Variants in SIMC1 observed in about 807,000 individuals in gnomAD.
SIMC1 encodes the protein SUMO-interacting motif-containing protein 1.
A neutral mutation model predicts 82.3 loss-of-function variants in SIMC1; 55 were observed. The ratio of observed to expected loss-of-function variants is 0.67; its 90% confidence interval spans 0.54 to 0.84. SIMC1 has a LOEUF of 0.84. SIMC1 is among the 40% of genes least tolerant of loss of function. The probability of loss-of-function intolerance (pLI) is 0.00; values close to 1 mark genes in which losing one functional copy is unlikely to be tolerated. For synonymous variants in SIMC1, 353 were observed against 426.3 expected, an observed-to-expected ratio of 0.83 and a Z score of 2.12; for missense variants, 915 against 1,107.2, an observed-to-expected ratio of 0.83 and a Z score of 2.46.
chr5:176,280,007 G>A (rs1252545927), intron 1 of SIMC1, among the ~76,000 whole-genome samples: 2 of 152,048 alleles, frequency 1.3e-5, no homozygotes, highest in African/African-American at 4.8e-5. Flanking sequence ...GTGCAGAGCT[G>A]AGTTCAATTC....
intron 1 of SIMC1, among the ~76,000 whole-genome samples, chr5:176,253,589 A>G (rs569304010): frequency 3.9e-4 from 59 of 152,210 alleles, no homozygotes; most frequent in African/African-American, 1.2e-3. Flanking sequence ...TGTTGTAGGG[A>G]GTCATTGACA....
rs1238073678 is a variant in SIMC1 at position 176,337,225 on chromosome 5, T to A, written c.2413+79T>A. On this transcript the variant is annotated intron_variant, in intron 9 of 9. Coordinates refer to ENST00000429602, the MANE Select transcript of SIMC1 (RefSeq NM_001308195.2). ...TATTAGTCATAACTACACAGGATAT[T>A]CTGATTTGTTGACATTGTTCCTTGG... The A allele has an allele frequency of 6.7e-6, 8 of 1,201,476 alleles. No individual in the cohort carries two copies. The Admixed American group carries it at 9.5e-5, about 14-fold the overall frequency. 74.4% of individuals were successfully genotyped at this position (1,201,476 alleles called of 1,614,324 possible).
intron 1 of SIMC1, among the ~76,000 whole-genome samples, chr5:176,281,699 A>T (rs1763016474): frequency 6.6e-6 from 1 of 152,070 alleles, no homozygotes; most frequent in African/African-American, 2.4e-5. Flanking sequence ...TCCACTCCAG[A>T]CCCTGTTTGC....
chr5:176,326,754 G>C (rs1765409573), intron 7 of SIMC1, among the ~76,000 whole-genome samples: 1 of 151,966 alleles, frequency 6.6e-6, no homozygotes, highest in South Asian at 2.1e-4. Flanking sequence ...TAGTAGAGAT[G>C]GGGTTTCACC....
chr5:176,266,260 T>A (rs1762207636), intron 1 of SIMC1, among the ~76,000 whole-genome samples: 1 of 152,166 alleles, frequency 6.6e-6, no homozygotes, highest in African/African-American at 2.4e-5. Flanking sequence ...TTTTATGAAC[T>A]TGAAATGTCA....
At chr5:176,320,273 A>G (rs1638458074) in intron 5 of SIMC1, among the ~76,000 whole-genome samples, 1 of 152,170 alleles carries the variant, frequency 6.6e-6, no homozygotes, top group African/African-American at 2.4e-5. Flanking sequence ...TGTAGTCTGC[A>G]GGATTGGGGA....
At chr5:176,284,975 A>G (rs1763197976) in intron 1 of SIMC1, among the ~76,000 whole-genome samples, 4 of 152,190 alleles carry the variant, frequency 2.6e-5, no homozygotes. Context: ...TACCAACCAA[A>G]AAAAGTCCAG....
chr5:176,262,279 TAAAAAAAA>T (rs58312244), intron 1 of SIMC1, among the ~76,000 whole-genome samples: 3 of 133,912 alleles, frequency 2.2e-5, no homozygotes, highest in Admixed American at 7.4e-5. Flanking sequence ...ATTCATGATT[TAAAAAAAA>T]AAAAAAAAAA....
At chr5:176,256,906 C>A (rs1761865425) in intron 1 of SIMC1, among the ~76,000 whole-genome samples, 1 of 152,098 alleles carries the variant, frequency 6.6e-6, no homozygotes, top group Non-Finnish European at 1.5e-5. Flanking sequence ...CCATGCCTGG[C>A]TAATTTTTTA....
chr5:176,285,971 C>G (rs796355886), intron 1 of SIMC1, among the ~76,000 whole-genome samples: 7 of 112,036 alleles, frequency 6.2e-5, no homozygotes, highest in African/African-American at 2.3e-4. Context: ...AACCACTGCT[C>G]AACGAAATAA....
At chr5:176,292,808 T>G (rs899839264) in intron 2 of SIMC1, among the ~76,000 whole-genome samples, 7 of 152,346 alleles carry the variant, frequency 4.6e-5, no homozygotes, top group Admixed American at 1.3e-4. Flanking sequence ...CCCAAAGTTC[T>G]GGGATTACAG....
chr5:176,313,963 C>A, intron 5 of SIMC1, 118 bp downstream of exon 5: 1 of 1,300,050 alleles, frequency 7.7e-7, no homozygotes, highest in Non-Finnish European at 1.1e-6. Context: ...TGTAATAGGG[C>A]TAATTTTTAA....
At position 176,337,136 on chromosome 5, in the gene SIMC1, T is replaced by TAACATATCAACATATCAACA. The variant is rs780725067; in HGVS notation, c.2403_2404insAACATATCAACATATCAACA (p.Val802AsnfsTer9). ...AGTTTCTGCTGTCCAGTTATCAACA[T>TAACATATCAACATATCAACA]GTTTTAAGAGGTAAGGAGCATTTGT... On this transcript the variant is annotated frameshift_variant, in exon 9 of 10. Transcript: ENST00000429602. LOFTEE classifies it high-confidence loss of function. 4.5e-5 allele frequency: 72 copies of TAACATATCAACATATCAACA among 1,613,818 alleles called. No homozygotes were observed. The highest frequency in any genetic ancestry group is 5.9e-5 in the Non-Finnish European group (70 of 1,179,846).
intron 7 of SIMC1, among the ~76,000 whole-genome samples, chr5:176,327,941 G>A (rs182189731): frequency 1.3e-5 from 2 of 152,194 alleles, no homozygotes; most frequent in East Asian, 3.9e-4. Flanking sequence ...AACCCTACTT[G>A]GTTGTGATGT....
Position 176,308,109 on chromosome 5 carries a change from C to G in SIMC1, c.1735-5582C>G, listed in dbSNP as rs1581289454. 6 of 842,022 alleles carry G rather than the reference C, an allele frequency of 7.1e-6. No homozygotes were observed. In the East Asian group the frequency reaches 1.5e-4, roughly 21 times the overall value. The allele number at this position is 842,022 out of a possible 1,614,324, so 52.2% of individuals were successfully genotyped here. On this transcript the variant is annotated intron_variant, in intron 4 of 9. Coordinates refer to ENST00000429602, the MANE Select transcript of SIMC1 (RefSeq NM_001308195.2). ...GCGGTGCAGGCAGTTCATCTAGAGT[C>G]TGACACTTTCCTTGTTTGTCTCAAC...
chr5:176,323,117 C>T (rs1765233841), intron 6 of SIMC1, among the ~76,000 whole-genome samples: 1 of 152,108 alleles, frequency 6.6e-6, no homozygotes, highest in South Asian at 2.1e-4. Flanking sequence ...CTGGTTGCAC[C>T]AACCTGATTT....
chr5:176,308,107 G>A lies in SIMC1; in HGVS notation c.1735-5584G>A, dbSNP rs1053801815. On this transcript the variant is annotated intron_variant, in intron 4 of 9. Coordinates refer to ENST00000429602, the MANE Select transcript of SIMC1 (RefSeq NM_001308195.2). The stretch of plus-strand genomic sequence containing the variant: ...AGGCGGTGCAGGCAGTTCATCTAGA[G>A]TCTGACACTTTCCTTGTTTGTCTCA... 4.1e-5 allele frequency: 34 copies of A among 829,998 alleles called. No homozygotes were observed. In the Admixed American group the frequency reaches 6.5e-4, roughly 16 times the overall value. The allele number at this position is 829,998 out of a possible 1,614,324, so 51.4% of individuals were successfully genotyped here.
intron 1 of SIMC1, among the ~76,000 whole-genome samples, chr5:176,266,063 A>T (rs1429046574): frequency 6.6e-6 from 1 of 152,168 alleles, no homozygotes; most frequent in African/African-American, 2.4e-5. Flanking sequence ...GTTGGATTCT[A>T]CTTCCAATCT....
chr5:176,326,278 T>C (rs1228884411), intron 7 of SIMC1, among the ~76,000 whole-genome samples: 3 of 152,184 alleles, frequency 2.0e-5, no homozygotes, highest in Non-Finnish European at 2.9e-5. Context: ...TGCCAAATAG[T>C]ACTGGAATAG....
Sources: allele counts gnomAD v4.1 joint callset (sites outside exome capture counted in the v4.1 genomes callset), GRCh38; gene constraint gnomAD v4.1.1; transcripts MANE v1.5; gene names NCBI Gene and HGNC (gene_info 2026-07-23, HGNC 2026-07-21).